Variants in CYREN observed in about 807,000 individuals in gnomAD.
CYREN encodes cell cycle regulator of non-homologous end joining.
Under a neutral mutation model 9.7 loss-of-function variants are expected in CYREN, and 7 were observed. That is an observed-to-expected ratio of 0.72 (90% CI 0.41 to 1.36). The LOEUF is 1.36. Among genes scored for constraint, CYREN ranks in the 40% most tolerant of loss-of-function variants. The pLI is 0.01. For synonymous variants in CYREN, 76 were observed against 77.9 expected (o/e 0.98, Z 0.13); for missense variants, 215 against 198.1 (o/e 1.09, Z -0.51).
At chr7:135,171,720 G>T (rs1416913009), upstream of CYREN, among the ~76,000 whole-genome samples, 2 of 152,212 alleles carry the variant, frequency 1.3e-5, no homozygotes, top group Non-Finnish European at 2.9e-5. Context: ...GAGAGGTTTT[G>T]TCTGTGGCTT....
intron 2 of CYREN, among the ~76,000 whole-genome samples, chr7:135,096,779 G>T (rs200872125): frequency 6.7e-6 from 1 of 149,376 alleles, no homozygotes; most frequent in East Asian, 2.0e-4. Flanking sequence ...AAGAAAGAAA[G>T]AAAGAAAGAA....
intron 2 of CYREN, chr7:135,152,772 T>C (rs1028894746): frequency 6.6e-6 from 1 of 152,226 alleles, no homozygotes; most frequent in Non-Finnish European, 1.5e-5. Flanking sequence ...ACCTAATGGC[T>C]TACCTGTTTT....
At chr7:135,100,190 C>CAT (rs1554517686) in intron 2 of CYREN, 150 of 142,180 alleles carry the variant, frequency 1.1e-3, no homozygotes, top group African/African-American at 3.4e-3. Context: ...CCGAGTTTCT[C>CAT]TTTAAAAAAA....
intron 2 of CYREN, among the ~76,000 whole-genome samples, chr7:135,158,828 G>A (rs769473732): frequency 9.2e-5 from 14 of 152,266 alleles, no homozygotes; most frequent in East Asian, 1.9e-4. Flanking sequence ...GAAGCAGCTC[G>A]GCAGCAAGAG....
intron 2 of CYREN, among the ~76,000 whole-genome samples, chr7:135,143,547 C>T (rs979706704): frequency 2.0e-5 from 3 of 152,108 alleles, no homozygotes; most frequent in Non-Finnish European, 4.4e-5. Flanking sequence ...AAAAACTAGA[C>T]GGCTGAGGGT....
chr7:135,168,935 T>C lies in CYREN; in HGVS notation c.-13A>G, dbSNP rs1562933286. On this transcript the variant is annotated 5_prime_UTR_variant, in exon 2 of 4. Transcript: ENST00000393114. ...GTAAGGTTTCCATCTCTGTACCTTC[T>C]CACAAAGAAGAGTCAGGGCCCAAGC... 1 of 1,570,178 alleles carries C rather than the reference T, an allele frequency of 6.4e-7. No homozygotes were observed. Among genetic ancestry groups the C allele is most frequent in the Non-Finnish European group, 8.6e-7 (1 of 1,158,696 alleles).
chr7:135,120,155 A>G (rs1826937892), intron 2 of CYREN, among the ~76,000 whole-genome samples: 1 of 152,248 alleles, frequency 6.6e-6, no homozygotes, highest in South Asian at 2.1e-4. Flanking sequence ...GAAAATGACA[A>G]AAGAAGGAAT....
intron 2 of CYREN, among the ~76,000 whole-genome samples, chr7:135,129,864 A>T (rs1828480366): frequency 6.6e-6 from 1 of 152,230 alleles, no homozygotes; most frequent in East Asian, 1.9e-4. Flanking sequence ...GGGTGCATTC[A>T]TACATTTTTT....
At chr7:135,160,111 T>C (rs1363425191) in intron 2 of CYREN, among the ~76,000 whole-genome samples, 2 of 152,198 alleles carry the variant, frequency 1.3e-5, no homozygotes, top group African/African-American at 4.8e-5. Context: ...GATACAAACA[T>C]ATATATTTAT....
intron 2 of CYREN, among the ~76,000 whole-genome samples, chr7:135,133,350 T>G (rs1829059463): frequency 1.3e-5 from 2 of 152,228 alleles, no homozygotes; most frequent in South Asian, 4.1e-4. Context: ...AGATGTCAGT[T>G]CTTCCCAGCT....
At chr7:135,101,998 A>G (rs1464212589) in intron 2 of CYREN, among the ~76,000 whole-genome samples, 1 of 152,186 alleles carries the variant, frequency 6.6e-6, no homozygotes, top group Non-Finnish European at 1.5e-5. Context: ...GCCTGCTTCC[A>G]TGTAAGACGT....
chr7:135,169,033 G>A lies in CYREN; in HGVS notation c.-111C>T. 9.8e-7 allele frequency: 1 copy of A among 1,019,810 alleles called. No homozygotes were observed. Among genetic ancestry groups the A allele is most frequent in the Non-Finnish European group, 1.4e-6 (1 of 711,662 alleles). The allele number at this position is 1,019,810 out of a possible 1,614,324, so 63.2% of individuals were successfully genotyped here. On this transcript the variant is annotated 5_prime_UTR_variant, in exon 2 of 4. Coordinates refer to ENST00000393114, the MANE Select transcript of CYREN (RefSeq NM_024033.4). ...CACACCCGGAATTACAGGTCCATTT[G>A]TCCTCAGTGGGAGTTGATCTTTGAT...
At chr7:135,155,553 G>A (rs1040709117) in intron 2 of CYREN, among the ~76,000 whole-genome samples, 1 of 152,162 alleles carries the variant, frequency 6.6e-6, no homozygotes, top group African/African-American at 2.4e-5. Flanking sequence ...TTTTGGCTGG[G>A]CATCGTGGCT....
intron 2 of CYREN, among the ~76,000 whole-genome samples, chr7:135,143,121 A>T (rs960642541): frequency 1.3e-5 from 2 of 152,120 alleles, no homozygotes; most frequent in Non-Finnish European, 2.9e-5. Flanking sequence ...CCAAGGTGGG[A>T]TGTTCACTTG....
chr7:135,105,871 G>A (rs554305644), intron 2 of CYREN, among the ~76,000 whole-genome samples: 8 of 152,256 alleles, frequency 5.3e-5, no homozygotes, highest in African/African-American at 1.9e-4. Context: ...TGACCCATGA[G>A]CATGGAATGT....
chr7:135,151,575 T>G lies in CYREN; in HGVS notation n.356+17174A>C, dbSNP rs1464813337. Among the ~76,000 whole-genome samples the G allele has an allele frequency of 6.6e-6, 1 of 152,218 alleles. No homozygotes were observed. The highest frequency in any genetic ancestry group is 1.5e-5 in the Non-Finnish European group (1 of 68,042). ...ACACCCAACCATGTCTACCTGACTC[T>G]CCGTCAATTCCCGTTTCTCCCACTG... On this transcript the variant is annotated intron_variant and non_coding_transcript_variant, in intron 2 of 2. Transcript: ENST00000459937. This position sits in a 1 kb window ranked among gnomAD's most constrained non-coding sequence, Gnocchi z 4.3.
Position 135,111,771 on chromosome 7 carries a change from A to G in CYREN, n.357-17189T>C, listed in dbSNP as rs557232726. The stretch of plus-strand genomic sequence containing the variant: ...CTAAATTTTAAGTGGGCTGTTTTAC[A>G]GTAGTCCATCCTTTGGTCTTTCTCA... On this transcript the variant is annotated intron_variant and non_coding_transcript_variant, in intron 2 of 2. Transcript: ENST00000459937. Among the ~76,000 whole-genome samples the G allele has an allele frequency of 3.9e-5, 6 of 152,296 alleles. No individual in the cohort carries two copies. The South Asian group carries it at 1.2e-3, about 32-fold the overall frequency.
At chr7:135,167,846 C>G in intron 2 of CYREN, 39 bp from the exon 3 acceptor site, 1 of 1,613,724 alleles carries the variant, frequency 6.2e-7, no homozygotes, top group Non-Finnish European at 8.5e-7. Flanking sequence ...GACACAGACT[C>G]TCAAGTCTCA....
chr7:135,127,603 G>A (rs1458785910), intron 2 of CYREN, among the ~76,000 whole-genome samples: 5 of 150,470 alleles, frequency 3.3e-5, no homozygotes, highest in South Asian at 2.1e-4. Flanking sequence ...TCAGAGAAAC[G>A]TAAATCAAAA....
Sources: gnomAD v4.1 joint callset for allele counts (sites outside exome capture counted in the v4.1 genomes callset) on GRCh38, gnomAD v4.1.1 for gene constraint, Gnocchi (gnomAD v3.1) non-coding constraint, MANE v1.5 for transcripts, NCBI Gene and HGNC (gene_info 2026-07-23, HGNC 2026-07-21) for gene names.